The following YWHAH variants were observed in gnomAD, a reference collection of about 807,000 sequenced individuals.
YWHAH encodes the protein tyrosine 3-monooxygenase/tryptophan 5-monooxygenase activation protein eta.
Under a neutral mutation model 22.9 loss-of-function variants are expected in YWHAH, and 6 were observed. The observed-to-expected ratio is 0.26, with a 90% CI of 0.14 to 0.52. The LOEUF is 0.52. Among genes scored for constraint, YWHAH ranks in the 20% least tolerant of loss-of-function variants. The pLI is 0.97. For synonymous variants in YWHAH, 135 were observed against 124.5 expected, an observed-to-expected ratio of 1.08 and a Z score of -0.56; for missense variants, 173 against 308.6, an observed-to-expected ratio of 0.56 and a Z score of 3.29.
chr22:31,957,154 T>C lies in YWHAH; in HGVS notation c.*362T>C, dbSNP rs1231252406. 5.3e-6 allele frequency: 1 copy of C among 190,022 alleles called. No individual in the cohort carries two copies. Among genetic ancestry groups the C allele is most frequent in the Admixed American group, 5.3e-5 (1 of 18,782 alleles). 11.8% of individuals were successfully genotyped at this position (190,022 alleles called of 1,614,324 possible). A position where few individuals can be genotyped will look rare whatever the true frequency, so the allele number is the denominator to read the frequency against. ...TTTAAAAGATCCATTTAAAACAAGC[T>C]GATAGTGTTTCGTTAAGCAGTACAT... On this transcript the variant is annotated 3_prime_UTR_variant, in exon 2 of 2. Transcript: ENST00000248975.
chr22:31,956,844 C>A lies in YWHAH; in HGVS notation c.*52C>A. ...CTTCACCCACCACCCCCATCATCAC[C>A]GATTCTTCCTTGCCACAATCACTAA... On this transcript the variant is annotated 3_prime_UTR_variant, in exon 2 of 2. Transcript: ENST00000248975. This position sits in a 1 kb window ranked among gnomAD's most constrained non-coding sequence, Gnocchi z 5.1. 6.7e-7 allele frequency: 1 copy of A among 1,501,148 alleles called. No homozygotes were observed. The allele number at this position is 1,501,148 out of a possible 1,614,324, so 93.0% of individuals were successfully genotyped here. A position where few individuals can be genotyped will look rare whatever the true frequency, so the allele number is the denominator to read the frequency against.
chr22:31,947,555 T>C, intron 1 of YWHAH: 1 of 456,146 alleles, frequency 2.2e-6, no homozygotes, highest in East Asian at 7.0e-5. Context: ...GAACTTCTCT[T>C]CCCTGCTTCT....
At position 31,948,388 on chromosome 22, in the gene YWHAH, A is replaced by T. The variant is rs1040035080; in HGVS notation, c.87+3568A>T. On this transcript the variant is annotated intron_variant, in intron 1 of 1. Coordinates refer to ENST00000248975, the MANE Select transcript of YWHAH (RefSeq NM_003405.4). ...AGGAGGATTTTGAGGTGTGATTAGT[A>T]TTTTTTTTTTTTTTCTTAAAGAGAT... Among the ~76,000 whole-genome samples the T allele has an allele frequency of 6.8e-5, 10 of 146,334 alleles. No individual in the cohort carries two copies. The East Asian group carries it at 1.6e-3, about 23-fold the overall frequency.
In YWHAH at chr22:31,956,125, T is replaced by G; in HGVS notation, c.88-14T>G. ...GATTTTGCTTTCAATGTTTATCTTTTTGGGGTTTTGCAGGTGACAGAGCTG... is the reference window on the plus strand; with the variant it reads ...GATTTTGCTTTCAATGTTTATCTTTGTGGGGTTTTGCAGGTGACAGAGCTG... On this transcript the variant is annotated splice_polypyrimidine_tract_variant and intron_variant, in intron 1 of 1. Coordinates refer to ENST00000248975, the MANE Select transcript of YWHAH (RefSeq NM_003405.4). This position sits in a 1 kb window ranked among gnomAD's most constrained non-coding sequence, Gnocchi z 5.1. 1 of 1,569,006 alleles carries G rather than the reference T, an allele frequency of 6.4e-7. No individual in the cohort carries two copies. Among genetic ancestry groups the G allele is most frequent in the East Asian group, 2.3e-5 (1 of 44,356 alleles).
At chr22:31,946,182 G>A (rs1393844224) in intron 1 of YWHAH, among the ~76,000 whole-genome samples, 2 of 152,144 alleles carry the variant, frequency 1.3e-5, no homozygotes, top group South Asian at 2.1e-4. Context: ...TGATTTGTTG[G>A]TGATCTTGAC....
Position 31,956,130 on chromosome 22 carries a change from G to A in YWHAH, c.88-9G>A. 1 of 1,572,960 alleles carries A rather than the reference G, an allele frequency of 6.4e-7. No homozygotes were observed. On this transcript the variant is annotated splice_polypyrimidine_tract_variant and intron_variant, in intron 1 of 1. Transcript: ENST00000248975. The surrounding 1 kb of genome is among the most constrained non-coding windows in gnomAD (Gnocchi z 5.1). ...TGCTTTCAATGTTTATCTTTTTGGG[G>A]TTTTGCAGGTGACAGAGCTGAATGA...
intron 1 of YWHAH, chr22:31,945,619 C>T (rs1478982977): frequency 3.1e-6 from 4 of 1,298,102 alleles, no homozygotes; most frequent in South Asian, 2.5e-5. Context: ...TCACACACCA[C>T]CTGCATTTCT....
intron 1 of YWHAH, among the ~76,000 whole-genome samples, chr22:31,955,250 G>A (rs1038072464): frequency 2.6e-5 from 4 of 152,132 alleles, no homozygotes; most frequent in Non-Finnish European, 5.9e-5. Flanking sequence ...CACACAGGGC[G>A]AAGCTCTGGC....
intron 1 of YWHAH, chr22:31,950,205 C>T: frequency 4.4e-6 from 2 of 458,372 alleles, no homozygotes; most frequent in East Asian, 4.5e-5. Context: ...GAAATTATTT[C>T]ATATTCTTGG....
chr22:31,945,941 A>T (rs527506548), intron 1 of YWHAH, among the ~76,000 whole-genome samples: 1 of 152,238 alleles, frequency 6.6e-6, no homozygotes, highest in South Asian at 2.1e-4. Flanking sequence ...GGCCTTTTGG[A>T]GGGAGTTCCG....
At chr22:31,950,494 G>A in intron 1 of YWHAH, 1 of 730,148 alleles carries the variant, frequency 1.4e-6, no homozygotes, top group Non-Finnish European at 2.6e-6. Flanking sequence ...TGCCTCTAGG[G>A]ACAGTAGCAT....
In YWHAH at chr22:31,956,398, A is replaced by T. The variant is rs2093849652; in HGVS notation, c.347A>T (p.Gln116Leu). ...KFLIKNCNDF[Q>L]YESKVFYLKM... is the part of the protein sequence containing the mutation. ...CTGATCAAGAACTGCAATGATTTCCAGTATGAGAGCAAGGTGTTTTACCTG... is the reference window on the plus strand; with the variant it reads ...CTGATCAAGAACTGCAATGATTTCCTGTATGAGAGCAAGGTGTTTTACCTG... Residue 116 changes from glutamine to leucine, a missense_variant, in exon 2 of 2, where the codon CAG (glutamine) becomes CTG (leucine). Gln to Leu is a moderately radical substitution (Grantham distance 113, BLOSUM62 -2). Coordinates refer to ENST00000248975, the MANE Select transcript of YWHAH (RefSeq NM_003405.4). The surrounding 1 kb of genome is among the most constrained non-coding windows in gnomAD (Gnocchi z 5.1). 6.2e-7 allele frequency: 1 copy of T among 1,614,080 alleles called. No individual in the cohort carries two copies. Among genetic ancestry groups the T allele is most frequent in the South Asian group, 1.1e-5 (1 of 91,090 alleles).
chr22:31,953,255 C>T (rs181389140), intron 1 of YWHAH, among the ~76,000 whole-genome samples: 121 of 152,320 alleles, frequency 7.9e-4, no homozygotes, highest in African/African-American at 2.8e-3. Flanking sequence ...TCTCCAAATT[C>T]TGTTGTTGCC....
intron 1 of YWHAH, among the ~76,000 whole-genome samples, chr22:31,953,662 G>A (rs1449043516): frequency 6.6e-6 from 1 of 152,188 alleles, no homozygotes; most frequent in Non-Finnish European, 1.5e-5. Context: ...GTAGATTCAT[G>A]GTAGACTGGG....
chr22:31,944,688 C>G lies in YWHAH; in HGVS notation c.-46C>G. On this transcript the variant is annotated 5_prime_UTR_variant, in exon 1 of 2. Transcript: ENST00000248975. ...GCGGACTGACCGGCGGGAGGGCTAG[C>G]GAGCCAGCGGTGTGAGGCGCGAGGC... The G allele has an allele frequency of 7.7e-7, 1 of 1,291,188 alleles. No homozygotes were observed. Among genetic ancestry groups the G allele is most frequent in the Non-Finnish European group, 9.9e-7 (1 of 1,009,032 alleles). The allele number at this position is 1,291,188 out of a possible 1,614,324, so 80.0% of individuals were successfully genotyped here.
intron 1 of YWHAH, among the ~76,000 whole-genome samples, chr22:31,949,246 TCTC>T (rs1415335039): frequency 2.6e-4 from 39 of 148,462 alleles, no homozygotes; most frequent in Non-Finnish European, 1.0e-4. Context: ...TTCAAGCAAT[TCTC>T]CTGCCTCAGC....
In YWHAH at chr22:31,956,524, T is replaced by C; in HGVS notation, c.473T>C (p.Phe158Ser). The C allele has an allele frequency of 6.2e-7, 1 of 1,614,134 alleles. No individual in the cohort carries two copies. The highest frequency in any genetic ancestry group is 8.5e-7 in the Non-Finnish European group (1 of 1,180,026). ...EASEAAYKEA[F>S]EISKEQMQPT... ...TCTGAAGCTGCCTACAAGGAAGCCT[T>C]TGAAATCAGCAAAGAGCAGATGCAA... is the stretch of plus-strand genomic sequence containing the variant. The change falls in exon 2 of 2, where the codon TTT (phenylalanine) becomes TCT (serine). Residue 158 changes from phenylalanine (F) to serine (S), a missense_variant. Phe to Ser is a radical substitution (Grantham distance 155). Coordinates refer to ENST00000248975, the MANE Select transcript of YWHAH (RefSeq NM_003405.4). The surrounding 1 kb of genome is among the most constrained non-coding windows in gnomAD (Gnocchi z 5.1).
intron 1 of YWHAH, among the ~76,000 whole-genome samples, chr22:31,951,644 G>C (rs1302133342): frequency 6.6e-6 from 1 of 152,128 alleles, no homozygotes; most frequent in African/African-American, 2.4e-5. Context: ...GGGGTTTTTG[G>C]GTAAATGAAT....
At chr22:31,949,966 T>TC (rs369275685) in intron 1 of YWHAH, among the ~76,000 whole-genome samples, 1 of 151,794 alleles carries the variant, frequency 6.6e-6, no homozygotes, top group South Asian at 2.1e-4. Flanking sequence ...ATTTTTTTTT[T>TC]CCAAATACGA....
Sources: allele counts gnomAD v4.1 joint callset (sites outside exome capture counted in the v4.1 genomes callset), GRCh38; gene constraint gnomAD v4.1.1; non-coding constraint Gnocchi (gnomAD v3.1); transcripts MANE v1.5; gene names NCBI Gene and HGNC (gene_info 2026-07-23, HGNC 2026-07-21).